IFT140: variants seen among roughly 807,000 people sequenced by gnomAD.
IFT140 encodes the protein intraflagellar transport 140.
In IFT140, 133 loss-of-function variants were observed where a neutral mutation model predicts 164.6. The observed-to-expected ratio is 0.81, with a 90% confidence interval of 0.70 to 0.93. The LOEUF (loss-of-function observed/expected upper bound fraction) is 0.93, where lower values mean the gene tolerates loss of function less well. Among genes scored for constraint, IFT140 ranks in the 40% least tolerant of loss-of-function variants. The pLI is 0.00. For missense variants in IFT140, 2,045 were observed against 1,972.3 expected, an observed-to-expected ratio of 1.04 and a Z score of -0.70; for synonymous variants, 860 against 817.3, an observed-to-expected ratio of 1.05 and a Z score of -0.89.
chr16:1,564,580 G>A lies in IFT140; in HGVS notation c.1902-418C>T, dbSNP rs904303620. Among the ~76,000 whole-genome samples the A allele has an allele frequency of 3.3e-5, 5 of 152,194 alleles. No individual in the cohort carries two copies. The stretch of plus-strand genomic sequence containing the variant: ...GTTCCTTGTCCCCACCGGTCCCTGT[G>A]CCATGCTGCCCCTTGGACCCAGGTC... On this transcript the variant is annotated intron_variant, in intron 16 of 30. Transcript: ENST00000426508. The surrounding 1 kb of genome is among the most constrained non-coding windows in gnomAD (Gnocchi z 5.5).
intron 19 of IFT140, among the ~76,000 whole-genome samples, chr16:1,548,732 T>C (rs912389969): frequency 8.6e-5 from 13 of 151,904 alleles, no homozygotes; most frequent in African/African-American, 2.9e-4. Flanking sequence ...GTAGGGAAGG[T>C]GGGAAGGACA....
intron 19 of IFT140, among the ~76,000 whole-genome samples, chr16:1,543,293 A>C (rs902058162): frequency 6.6e-6 from 1 of 152,262 alleles, no homozygotes; most frequent in Non-Finnish European, 1.5e-5. Flanking sequence ...TCTAGGAATA[A>C]TGATCCTGGG....
chr16:1,557,929 C>A lies in IFT140; in HGVS notation c.2399+6G>T, dbSNP rs761044847. On this transcript the variant is annotated splice_donor_region_variant and intron_variant, in intron 19 of 30. Coordinates refer to ENST00000426508, the MANE Select transcript of IFT140 (RefSeq NM_014714.4). Reference sequence around the variant, plus strand: ...CTCCCAACATCCCAGTGGTCGGGATCCTCACCTTTTGATGAGCTTGATGGA... The same window carrying A: ...CTCCCAACATCCCAGTGGTCGGGATACTCACCTTTTGATGAGCTTGATGGA... 6.2e-7 allele frequency: 1 copy of A among 1,612,636 alleles called. No individual in the cohort carries two copies. Among genetic ancestry groups the A allele is most frequent in the African/African-American group, 1.3e-5 (1 of 74,990 alleles).
rs117433764 is a variant in IFT140, at chr16:1,518,262, T to C, written c.4136A>G (p.Tyr1379Cys). 1.0e-4 allele frequency: 168 copies of C among 1,614,142 alleles called. 1 individual carries two copies. Among genetic ancestry groups the C allele is most frequent in the Non-Finnish European group, 1.4e-4 (161 of 1,180,028 alleles). ...CACGTAGTGCTCCACCAGGAAGCCA[T>C]AGACGTCCCCGATGCGGATGGTGCT... ...LDSTIRIGDV[Y>C]GFLVEHYVRK... Residue 1379 changes from tyrosine to cysteine, a missense_variant, in exon 30 of 31, where the codon TAT becomes TGT. By Grantham distance (194) the Tyr-to-Cys change is radical. Coordinates refer to ENST00000426508, the MANE Select transcript of IFT140 (RefSeq NM_014714.4).
At chr16:1,594,063 T>A (rs1488062628) in intron 4 of IFT140, among the ~76,000 whole-genome samples, 1 of 152,194 alleles carries the variant, frequency 6.6e-6, no homozygotes, top group Non-Finnish European at 1.5e-5. Flanking sequence ...TGGGTTATCA[T>A]CCAAGGCTGC....
chr16:1,558,544 G>T (rs747028153), intron 18 of IFT140, among the ~76,000 whole-genome samples: 3 of 152,208 alleles, frequency 2.0e-5, no homozygotes, highest in Non-Finnish European at 2.9e-5. Context: ...GCGGCTGTGG[G>T]CCCAGTGTGG....
intron 9 of IFT140, 86 bp from the exon 10 acceptor site, chr16:1,586,361 C>A: frequency 7.2e-7 from 1 of 1,383,284 alleles, no homozygotes; most frequent in Non-Finnish European, 9.8e-7. Context: ...CCCCCTTCTT[C>A]AAAGCATCAG....
intron 29 of IFT140, 33 bp downstream of exon 29, chr16:1,519,848 C>A: frequency 1.3e-6 from 2 of 1,512,906 alleles, no homozygotes; most frequent in South Asian, 1.3e-5. Flanking sequence ...TCACATCTGC[C>A]CTGGCCTGTC....
chr16:1,583,167 C>T (rs2034669244), intron 12 of IFT140, 147 bp downstream of exon 12: 2 of 746,840 alleles, frequency 2.7e-6, no homozygotes, highest in East Asian at 5.4e-5. Flanking sequence ...CAGCTGCAGC[C>T]CTGGCTCTGG....
chr16:1,551,632 G>A lies in IFT140; in HGVS notation c.2399+6303C>T, dbSNP rs980646982. ...GGCACTGCTGCAGACACCTTGAAAC[G>A]TCCAGCACATTCCTCACTGTCGAAC... is the stretch of plus-strand genomic sequence containing the variant. On this transcript the variant is annotated intron_variant, in intron 19 of 30. Transcript: ENST00000426508. The surrounding 1 kb of genome is among the most constrained non-coding windows in gnomAD (Gnocchi z 4.0). Among the ~76,000 whole-genome samples the A allele has an allele frequency of 2.0e-5, 3 of 152,202 alleles. No individual in the cohort carries two copies. Among genetic ancestry groups the A allele is most frequent in the Admixed American group, 6.5e-5 (1 of 15,284 alleles).
Position 1,521,889 on chromosome 16 carries a change from A to T in IFT140, c.3454-1081T>A, listed in dbSNP as rs900388703. On this transcript the variant is annotated intron_variant, in intron 26 of 30. Transcript: ENST00000426508. ...AAAAAAACAGTAATAACCCACAAAT[A>T]TATATGAAGTAATAACACATTTATA... Among the ~76,000 whole-genome samples, 28 of 147,976 alleles carry T rather than the reference A, an allele frequency of 1.9e-4. 1 individual carries two copies. The highest frequency in any genetic ancestry group is 1.6e-3 in the Admixed American group (24 of 14,706).
intron 9 of IFT140, 47 bp from the exon 10 acceptor site, chr16:1,586,322 A>G: frequency 6.4e-7 from 1 of 1,561,552 alleles, no homozygotes; most frequent in Non-Finnish European, 8.7e-7. Context: ...AAAAAAGGGA[A>G]CAAAACAGCA....
intron 19 of IFT140, chr16:1,534,085 T>C: frequency 1.5e-6 from 1 of 649,216 alleles, no homozygotes; most frequent in Non-Finnish European, 2.5e-6. Context: ...CTGCTCCAGG[T>C]GCAGGAAGGA....
chr16:1,597,746 G>A (rs953010935), intron 4 of IFT140, among the ~76,000 whole-genome samples: 26 of 152,106 alleles, frequency 1.7e-4, no homozygotes, highest in Admixed American at 8.5e-4. Context: ...TGATACCTGG[G>A]TTTCATTTTA....
chr16:1,576,435 C>CA (rs979579035), intron 13 of IFT140, among the ~76,000 whole-genome samples: 4 of 148,682 alleles, frequency 2.7e-5, no homozygotes, highest in South Asian at 2.1e-4. Context: ...ACTAAAAATA[C>CA]AAAAAAAATA....
chr16:1,524,965 C>T, intron 22 of IFT140, 49 bp from the exon 23 acceptor site: 1 of 1,569,544 alleles, frequency 6.4e-7, no homozygotes, highest in Non-Finnish European at 8.6e-7. Flanking sequence ...CCCGCTCCAA[C>T]CCGGGACGGC....
At chr16:1,548,327 T>C (rs1287995965) in intron 19 of IFT140, among the ~76,000 whole-genome samples, 2 of 152,166 alleles carry the variant, frequency 1.3e-5, no homozygotes, top group Non-Finnish European at 2.9e-5. Flanking sequence ...TGTGCATGTG[T>C]GACAGCCATT....
intron 19 of IFT140, among the ~76,000 whole-genome samples, chr16:1,539,140 C>T (rs1054076986): frequency 2.7e-5 from 4 of 149,056 alleles, no homozygotes; most frequent in East Asian, 2.0e-4. Flanking sequence ...GACGGCCCCA[C>T]GCCTCAGGCC....
chr16:1,566,835 TCC>T lies in IFT140; in HGVS notation c.1771-546_1771-545del, dbSNP rs1171831590. ...GACCTTTTTGAGGCTCCTGGCTGCCTCCTTCTCCCAGTGGCCCCACCTCCCTG... is the reference window on the plus strand; with the variant it reads ...GACCTTTTTGAGGCTCCTGGCTGCCTTTCTCCCAGTGGCCCCACCTCCCTG... On this transcript the variant is annotated intron_variant, in intron 15 of 30. Coordinates refer to ENST00000426508, the MANE Select transcript of IFT140 (RefSeq NM_014714.4). Among the ~76,000 whole-genome samples the T allele has an allele frequency of 2.0e-5, 3 of 152,192 alleles. No individual in the cohort carries two copies. In the East Asian group the frequency reaches 5.8e-4, roughly 29 times the overall value.
Sources: allele counts gnomAD v4.1 joint callset (sites outside exome capture counted in the v4.1 genomes callset), GRCh38; gene constraint gnomAD v4.1.1; non-coding constraint Gnocchi (gnomAD v3.1); transcripts MANE v1.5; gene names NCBI Gene and HGNC (gene_info 2026-07-23, HGNC 2026-07-21).